BAIAP2L1: variants seen among roughly 807,000 people sequenced by gnomAD.
BAIAP2L1 encodes BAR/IMD domain-containing adapter protein 2-like 1.
BAIAP2L1 carries 35 observed loss-of-function variants against 66.3 expected under a neutral mutation model. The observed-to-expected ratio is 0.53, with a 90% CI of 0.40 to 0.70. The LOEUF is 0.70. Among genes scored for constraint, BAIAP2L1 ranks in the 30% least tolerant of loss-of-function variants. The pLI is 0.00. For synonymous variants in BAIAP2L1, 269 were observed against 248.7 expected, an observed-to-expected ratio of 1.08 and a Z score of -0.77; for missense variants, 622 against 656.9, an observed-to-expected ratio of 0.95 and a Z score of 0.58.
At chr7:98,398,747 C>T (rs1037675660) in intron 1 of BAIAP2L1, among the ~76,000 whole-genome samples, 1 of 152,120 alleles carries the variant, frequency 6.6e-6, no homozygotes, top group African/African-American at 2.4e-5. Flanking sequence ...TTGGTACGGT[C>T]CCTCTAAGGA....
At position 98,320,267 on chromosome 7, in the gene BAIAP2L1, G is replaced by C. The variant is rs1041007786; in HGVS notation, c.246C>G (p.His82Gln). The C allele has an allele frequency of 1.9e-6, 3 of 1,609,678 alleles. No individual in the cohort carries two copies. The highest frequency in any genetic ancestry group is 2.7e-5 in the African/African-American group (2 of 74,764). Residue 82 changes from histidine to glutamine, a missense_variant, in exon 4 of 14, where the codon CAC (histidine) becomes CAG (glutamine). Transcript: ENST00000005260. ...CATCAAGACTCTCGTTGAGTTTCTTGTGGGTACTTGAAATCTCTATGAGGA... is the reference window on the plus strand; with the variant it reads ...CATCAAGACTCTCGTTGAGTTTCTTCTGGGTACTTGAAATCTCTATGAGGA... ...GHVLIEISST[H>Q]KKLNESLDEN...
At chr7:98,328,718 C>T (rs987799613) in intron 3 of BAIAP2L1, among the ~76,000 whole-genome samples, 12 of 149,838 alleles carry the variant, frequency 8.0e-5, no homozygotes, top group Non-Finnish European at 1.8e-4. Flanking sequence ...TACACACCAA[C>T]AAAAATGTGC....
chr7:98,327,799 T>C (rs1298510847), intron 3 of BAIAP2L1, among the ~76,000 whole-genome samples: 1 of 152,352 alleles, frequency 6.6e-6, no homozygotes, highest in African/African-American at 2.4e-5. Context: ...TATTTCTTTT[T>C]AGAGAGGAAT....
chr7:98,349,066 C>T (rs949390707), intron 3 of BAIAP2L1, among the ~76,000 whole-genome samples: 7 of 152,260 alleles, frequency 4.6e-5, no homozygotes, highest in Non-Finnish European at 8.8e-5. Flanking sequence ...TAACCACCCC[C>T]ACAGTCCATG....
chr7:98,298,208 C>A (rs903760667), intron 12 of BAIAP2L1, among the ~76,000 whole-genome samples: 4 of 152,244 alleles, frequency 2.6e-5, no homozygotes, highest in African/African-American at 9.6e-5. Flanking sequence ...AGCTGTGGGG[C>A]TTCCCAGGTG....
intron 9 of BAIAP2L1, chr7:98,310,242 G>A: frequency 1.9e-6 from 1 of 535,138 alleles, no homozygotes; most frequent in East Asian, 3.5e-5. Context: ...TCAGAGAAAT[G>A]TATCACTTAT....
rs1407147139 is a variant in BAIAP2L1, at chr7:98,306,532, G to C, written c.1164-16C>G. 1 of 1,614,128 alleles carries C rather than the reference G, an allele frequency of 6.2e-7. No individual in the cohort carries two copies. Among genetic ancestry groups the C allele is most frequent in the Admixed American group, 1.7e-5 (1 of 60,000 alleles). ...CCAACCCCTCCTACCGGCAAAGAGG[G>C]AGAAAAGACCCTATCAGCAGTAGAC... On this transcript the variant is annotated splice_polypyrimidine_tract_variant and intron_variant, in intron 10 of 13. Coordinates refer to ENST00000005260, the MANE Select transcript of BAIAP2L1 (RefSeq NM_018842.5).
chr7:98,347,017 AC>A (rs1177213952), intron 3 of BAIAP2L1, among the ~76,000 whole-genome samples: 2 of 150,642 alleles, frequency 1.3e-5, no homozygotes, highest in African/African-American at 2.5e-5. Flanking sequence ...AACAACAACA[AC>A]AACAAAACAA....
intron 1 of BAIAP2L1, among the ~76,000 whole-genome samples, chr7:98,363,806 A>G (rs79106120): frequency 0.012 from 1,788 of 152,258 alleles, 41 homozygotes; most frequent in African/African-American, 0.041. Context: ...CAACTACCCA[A>G]CATTCAAAGA....
chr7:98,390,144 T>C (rs757632742), intron 1 of BAIAP2L1, among the ~76,000 whole-genome samples: 1 of 151,838 alleles, frequency 6.6e-6, no homozygotes. Flanking sequence ...CTCTATCTCC[T>C]GACCTCGTGA....
At chr7:98,379,006 T>G (rs1290902456) in intron 1 of BAIAP2L1, among the ~76,000 whole-genome samples, 3 of 152,162 alleles carry the variant, frequency 2.0e-5, no homozygotes, top group Non-Finnish European at 4.4e-5. Context: ...ATTTTTTGTA[T>G]TTTTAGTAGA....
intron 2 of BAIAP2L1, chr7:98,355,359 C>T: frequency 1.9e-6 from 1 of 535,436 alleles, no homozygotes; most frequent in Non-Finnish European, 3.4e-6. Flanking sequence ...CCCGGGGAAC[C>T]TTCAGCAGCA....
chr7:98,343,553 G>A (rs1170890993), intron 3 of BAIAP2L1, among the ~76,000 whole-genome samples: 5 of 152,170 alleles, frequency 3.3e-5, no homozygotes, highest in South Asian at 2.1e-4. Context: ...TGTTTGCTCT[G>A]CCCAACAAGA....
At chr7:98,299,714 C>A (rs963668842) in intron 12 of BAIAP2L1, among the ~76,000 whole-genome samples, 7 of 152,114 alleles carry the variant, frequency 4.6e-5, no homozygotes, top group Non-Finnish European at 1.0e-4. Context: ...CCTAACTGTC[C>A]AATGTGGCAA....
intron 3 of BAIAP2L1, among the ~76,000 whole-genome samples, chr7:98,346,295 T>A (rs1283762392): frequency 6.6e-6 from 1 of 151,878 alleles, no homozygotes; most frequent in Non-Finnish European, 1.5e-5. Context: ...ACAAAACACA[T>A]AAAGAATGAG....
At position 98,335,178 on chromosome 7, in the gene BAIAP2L1, AAT is replaced by A. The variant is rs1457907714; in HGVS notation, c.215-14882_215-14881del. 7.2e-4 allele frequency among the ~76,000 whole-genome samples: 45 copies of A among 62,374 alleles called. 2 individuals carry two copies. The highest frequency in any genetic ancestry group is 9.8e-4 in the Non-Finnish European group (19 of 19,320). 40.9% of individuals were successfully genotyped at this position (62,374 alleles called of 152,430 possible). On this transcript the variant is annotated intron_variant, in intron 3 of 13. Transcript: ENST00000005260. ...AAAAAAAAAAAAAAAAAAAAAAAAA[AAT>A]TTATCTCCCATGATCCTCTCCATGA...
chr7:98,344,433 G>A lies in BAIAP2L1; in HGVS notation c.214+10609C>T, dbSNP rs150920669. On this transcript the variant is annotated intron_variant, in intron 3 of 13. Transcript: ENST00000005260. ...TCAAATATACTTGAAGAAAGAGCAA[G>A]GACACATTTTCTGAATCATCTATCT... Among the ~76,000 whole-genome samples, 21 of 152,212 alleles carry A rather than the reference G, an allele frequency of 1.4e-4. No homozygotes were observed. In the East Asian group the frequency reaches 3.9e-3, roughly 28 times the overall value.
intron 3 of BAIAP2L1, among the ~76,000 whole-genome samples, chr7:98,339,243 A>C (rs941705377): frequency 2.6e-5 from 4 of 152,120 alleles, no homozygotes; most frequent in African/African-American, 9.7e-5. Context: ...GCAATGGTCA[A>C]GGGTTCCAAT....
intron 11 of BAIAP2L1, among the ~76,000 whole-genome samples, chr7:98,305,047 GTTTTTTTTT>G (rs59633894): frequency 2.0e-5 from 2 of 100,380 alleles, no homozygotes; most frequent in South Asian, 4.2e-4. Flanking sequence ...TTTGTTTTTT[GTTTTTTTTT>G]TTTTTTTTTT....
Sources: gnomAD v4.1 joint callset for allele counts (sites outside exome capture counted in the v4.1 genomes callset) on GRCh38, gnomAD v4.1.1 for gene constraint, MANE v1.5 for transcripts, NCBI Gene and HGNC (gene_info 2026-07-23, HGNC 2026-07-21) for gene names.